Variants in VTI1A observed in about 807,000 individuals in gnomAD.
The protein encoded by VTI1A is vesicle transport through interaction with t-SNAREs 1A, also known as vesicle transport through interaction with t-SNAREs homolog 1A.
In VTI1A, 22 loss-of-function variants were observed where a neutral mutation model predicts 34.9. That is an observed-to-expected ratio of 0.63 (90% CI 0.45 to 0.90). VTI1A has a LOEUF of 0.90. Among genes scored for constraint, VTI1A ranks in the 40% least tolerant of loss-of-function variants. The probability of loss-of-function intolerance (pLI) is 0.00; values close to 1 mark genes in which losing one functional copy is unlikely to be tolerated. For missense variants in VTI1A, 268 were observed against 275.6 expected (o/e 0.97, Z 0.20); for synonymous variants, 87 against 97.3 (o/e 0.89, Z 0.62).
intron 5 of VTI1A, among the ~76,000 whole-genome samples, chr10:112,657,858 A>G (rs1847291269): frequency 6.6e-6 from 1 of 152,076 alleles, no homozygotes; most frequent in South Asian, 2.1e-4. Flanking sequence ...CAGAACAACA[A>G]AAAGATGTGT....
chr10:112,746,776 C>G (rs985710486), intron 7 of VTI1A, among the ~76,000 whole-genome samples: 1 of 152,202 alleles, frequency 6.6e-6, no homozygotes, highest in Non-Finnish European at 1.5e-5. Flanking sequence ...GCTGCTATCA[C>G]GGCTGATGGA....
intron 7 of VTI1A, among the ~76,000 whole-genome samples, chr10:112,673,464 G>GCA (rs1033770562): frequency 4.4e-4 from 15 of 33,792 alleles, no homozygotes; most frequent in East Asian, 4.3e-3. Context: ...GCGCGCGTGC[G>GCA]CGCGCACACA....
chr10:112,642,294 A>G (rs1846604989), intron 5 of VTI1A, among the ~76,000 whole-genome samples: 2 of 152,124 alleles, frequency 1.3e-5, no homozygotes, highest in African/African-American at 4.8e-5. Context: ...ACTGGTTGCA[A>G]TGGAATGCAC....
intron 3 of VTI1A, among the ~76,000 whole-genome samples, chr10:112,471,704 G>A (rs900059374): frequency 6.6e-6 from 1 of 151,854 alleles, no homozygotes; most frequent in Non-Finnish European, 1.5e-5. Flanking sequence ...TAGAATTCCT[G>A]TAAGCTGTTC....
At chr10:112,569,489 G>A (rs1450101303) in intron 5 of VTI1A, among the ~76,000 whole-genome samples, 1 of 152,202 alleles carries the variant, frequency 6.6e-6, no homozygotes, top group Non-Finnish European at 1.5e-5. Flanking sequence ...AAACAGAACT[G>A]AAAGTTGAAT....
intron 3 of VTI1A, among the ~76,000 whole-genome samples, chr10:112,473,266 G>A (rs928312463): frequency 6.6e-6 from 1 of 151,758 alleles, no homozygotes; most frequent in South Asian, 2.1e-4. Context: ...GCGCCACCAT[G>A]TCCAGCTAAT....
intron 5 of VTI1A, among the ~76,000 whole-genome samples, chr10:112,553,398 A>G (rs1851434159): frequency 6.6e-6 from 1 of 152,262 alleles, no homozygotes; most frequent in South Asian, 2.1e-4. Context: ...TGAGAGATAA[A>G]TGTGATAAAC....
In VTI1A at chr10:112,647,855, C is replaced by T. The variant is rs187851536; in HGVS notation, c.428-20363C>T. On this transcript the variant is annotated intron_variant, in intron 5 of 7. Transcript: ENST00000393077. ...CGCAATCTTGGCTCGCTGCAACCTT[C>T]GCCTCCCGGGCTCAGGTGATTCTCC... Among the ~76,000 whole-genome samples, 91 of 152,268 alleles carry T rather than the reference C, an allele frequency of 6.0e-4. 1 individual carries two copies. The highest frequency in any genetic ancestry group is 1.9e-3 in the African/African-American group (78 of 41,562).
At chr10:112,500,006 G>C (rs980364172) in intron 3 of VTI1A, among the ~76,000 whole-genome samples, 1 of 152,134 alleles carries the variant, frequency 6.6e-6, no homozygotes, top group Non-Finnish European at 1.5e-5. Context: ...CCTGAAAAAC[G>C]TAAAGCTGAC....
chr10:112,481,544 T>G (rs183236464), intron 3 of VTI1A, among the ~76,000 whole-genome samples: 2 of 152,332 alleles, frequency 1.3e-5, no homozygotes, highest in Non-Finnish European at 2.9e-5. Flanking sequence ...ATAAAAGTCT[T>G]GTATATGTAT....
At chr10:112,492,297 T>C (rs1564798918) in intron 3 of VTI1A, among the ~76,000 whole-genome samples, 1 of 152,170 alleles carries the variant, frequency 6.6e-6, no homozygotes, top group Non-Finnish European at 1.5e-5. Flanking sequence ...TCTGAAGTGT[T>C]TTCAGAAAAA....
chr10:112,463,340 G>A (rs1847792024), intron 2 of VTI1A, among the ~76,000 whole-genome samples: 2 of 152,102 alleles, frequency 1.3e-5, no homozygotes, highest in Non-Finnish European at 2.9e-5. Flanking sequence ...TTTTAATCTA[G>A]CAATTATCAA....
intron 5 of VTI1A, among the ~76,000 whole-genome samples, chr10:112,659,856 A>G (rs896732894): frequency 2.0e-5 from 3 of 152,246 alleles, no homozygotes; most frequent in Non-Finnish European, 4.4e-5. Context: ...TAAATATTTT[A>G]TGGTACATAG....
intron 5 of VTI1A, among the ~76,000 whole-genome samples, chr10:112,658,820 A>G (rs1262958520): frequency 6.6e-6 from 1 of 152,208 alleles, no homozygotes; most frequent in Admixed American, 6.5e-5. Flanking sequence ...AAAAGAAACT[A>G]GAAGTTTATC....
intron 7 of VTI1A, among the ~76,000 whole-genome samples, chr10:112,759,944 T>A (rs17130053): frequency 0.19 from 29,285 of 152,192 alleles, 3,244 homozygotes; most frequent in East Asian, 0.29. Context: ...AACACACATC[T>A]GAGAAGTGAC....
chr10:112,545,995 T>C (rs941108499), intron 5 of VTI1A, among the ~76,000 whole-genome samples: 1 of 144,036 alleles, frequency 6.9e-6, no homozygotes, highest in Non-Finnish European at 1.5e-5. Flanking sequence ...TGTATATACG[T>C]GTATACGCGT....
intron 3 of VTI1A, among the ~76,000 whole-genome samples, chr10:112,500,992 C>A (rs1430155268): frequency 6.6e-6 from 1 of 152,140 alleles, no homozygotes; most frequent in African/African-American, 2.4e-5. Flanking sequence ...TTAGTTCCTT[C>A]CTTTATTTGA....
chr10:112,563,862 A>T (rs1851813947), intron 5 of VTI1A, among the ~76,000 whole-genome samples: 1 of 152,196 alleles, frequency 6.6e-6, no homozygotes, highest in Non-Finnish European at 1.5e-5. Context: ...CTACATGAGA[A>T]TATCTGTGAG....
intron 5 of VTI1A, among the ~76,000 whole-genome samples, chr10:112,583,121 G>C (rs1355596722): frequency 6.6e-6 from 1 of 152,152 alleles, no homozygotes; most frequent in African/African-American, 2.4e-5. Context: ...GCGATAAAAG[G>C]ATAAGCGATG....
Sources: gnomAD v4.1 joint callset for allele counts (sites outside exome capture counted in the v4.1 genomes callset) on GRCh38, gnomAD v4.1.1 for gene constraint, MANE v1.5 for transcripts, NCBI Gene and HGNC (gene_info 2026-07-23, HGNC 2026-07-21) for gene names.